Variants in ELAPOR1 observed in about 807,000 individuals in gnomAD.
The protein encoded by ELAPOR1 is endosome/lysosome-associated apoptosis and autophagy regulator 1.
Under a neutral mutation model 119.7 loss-of-function variants are expected in ELAPOR1, and 77 were observed. The observed-to-expected ratio is 0.64, with a 90% CI of 0.54 to 0.78. The LOEUF is 0.78. Among genes scored for constraint, ELAPOR1 ranks in the 30% least tolerant of loss-of-function variants. ELAPOR1 has a pLI of 0.00. For missense variants in ELAPOR1, 1,115 were observed against 1,270.4 expected (o/e 0.88, Z 1.86); for synonymous variants, 481 against 487.2 (o/e 0.99, Z 0.17).
chr1:109,122,515 G>A (rs1570599642), intron 1 of ELAPOR1, among the ~76,000 whole-genome samples: 1 of 151,120 alleles, frequency 6.6e-6, no homozygotes, highest in East Asian at 2.0e-4. Context: ...TTAAAAATTA[G>A]CTATGTGTGG....
chr1:109,191,911 C>T (rs1282833861), intron 13 of ELAPOR1, 48 bp downstream of exon 13: 1 of 1,603,504 alleles, frequency 6.2e-7, no homozygotes, highest in Non-Finnish European at 8.5e-7. Context: ...CCTCTGAACC[C>T]AGGAGGACTC....
Position 109,198,597 on chromosome 1 carries a change from C to T in ELAPOR1, c.2424C>T (p.Cys808=), listed in dbSNP as rs1488184231. ...GGTCCAATGATGTGACCCAGTCCTG[C>T]AGTTCTGGGAGATCAACCACCATCC... ...FYRSNDVTQS[C]SSGRSTTIRV... Residue 808 remains cysteine, a synonymous_variant, in exon 18 of 22, where the codon TGC becomes TGT. Coordinates refer to ENST00000369939, the MANE Select transcript of ELAPOR1 (RefSeq NM_020775.5). 1 of 1,613,844 alleles carries T rather than the reference C, an allele frequency of 6.2e-7. No individual in the cohort carries two copies. Among genetic ancestry groups the T allele is most frequent in the Admixed American group, 1.7e-5 (1 of 59,982 alleles).
At chr1:109,184,099 C>G (rs999707502) in intron 7 of ELAPOR1, among the ~76,000 whole-genome samples, 1 of 152,010 alleles carries the variant, frequency 6.6e-6, no homozygotes, top group Admixed American at 6.6e-5. Flanking sequence ...AGGCCGGGCA[C>G]GGTGGCTCAC....
chr1:109,152,746 C>A (rs940484868), intron 1 of ELAPOR1, among the ~76,000 whole-genome samples: 5 of 151,928 alleles, frequency 3.3e-5, no homozygotes, highest in African/African-American at 1.2e-4. Context: ...GAGTTCAAGA[C>A]CAGCCTGGGC....
At chr1:109,138,834 C>CAAAAAAAAAAAAAAAAAAAAAAAAAA (rs150398954) in intron 1 of ELAPOR1, among the ~76,000 whole-genome samples, 26 of 107,300 alleles carry the variant, frequency 2.4e-4, no homozygotes, top group Non-Finnish European at 4.0e-4. Flanking sequence ...AACTCCATCT[C>CAAAAAAAAAAAAAAAAAAAAAAAAAA]AAAAAAAAAA....
rs572372477 is a variant in ELAPOR1 at position 109,164,769 on chromosome 1, G to A, written c.467+78G>A. ...CAGGGCACACTGGACAGCCTCCTCCGCTGCCCCTCAGGCTGGGCAGGGAGG... is the reference window on the plus strand; with the variant it reads ...CAGGGCACACTGGACAGCCTCCTCCACTGCCCCTCAGGCTGGGCAGGGAGG... On this transcript the variant is annotated intron_variant, in intron 3 of 21. Transcript: ENST00000369939. 2.8e-4 allele frequency: 381 copies of A among 1,375,348 alleles called. 1 individual carries two copies. In the African/African-American group the frequency reaches 4.8e-3, roughly 17 times the overall value. 85.2% of individuals were successfully genotyped at this position (1,375,348 alleles called of 1,614,324 possible).
intron 7 of ELAPOR1, among the ~76,000 whole-genome samples, chr1:109,178,659 TGGGTGTAGAATGCAGTGGAGGTGGGCC>T (rs1260561527): frequency 2.7e-4 from 41 of 152,288 alleles, no homozygotes; most frequent in African/African-American, 7.5e-4. Flanking sequence ...ATAGGAGAGC[TGGGTGTAGAATGCAGTGGAGGTGGGCC>T]GGGTGTGGCG....
At chr1:109,201,070 A>G (rs534368702) in intron 21 of ELAPOR1, among the ~76,000 whole-genome samples, 170 bp downstream of exon 21, 1 of 152,060 alleles carries the variant, frequency 6.6e-6, no homozygotes, top group African/African-American at 2.4e-5. Flanking sequence ...CTGTGTTTCT[A>G]CACCAATACT....
intron 1 of ELAPOR1, among the ~76,000 whole-genome samples, chr1:109,147,072 A>ATTTTTT (rs35132655): frequency 1.4e-5 from 2 of 141,254 alleles, no homozygotes; most frequent in Non-Finnish European, 3.1e-5. Context: ...CGCCTGGCTA[A>ATTTTTT]TTTTTTTTTT....
chr1:109,154,771 G>A (rs1233974213), intron 1 of ELAPOR1, among the ~76,000 whole-genome samples: 2 of 152,238 alleles, frequency 1.3e-5, no homozygotes, highest in Non-Finnish European at 2.9e-5. Flanking sequence ...TAGCTCTGCT[G>A]TTGCAGGGGT....
chr1:109,172,678 G>A, intron 5 of ELAPOR1, 110 bp downstream of exon 5: 1 of 750,182 alleles, frequency 1.3e-6, no homozygotes. Context: ...TCCCTGGAGG[G>A]CAGGAATGTG....
At position 109,191,451 on chromosome 1, in the gene ELAPOR1, T is replaced by C. The variant is rs761735895; in HGVS notation, c.1525T>C (p.Cys509Arg). ...CTTTGAGACCCTCTGTTCTGTGAACTGTGAGCTCTACTTCATGGTGGTACG... is the reference window on the plus strand; with the variant it reads ...CTTTGAGACCCTCTGTTCTGTGAACCGTGAGCTCTACTTCATGGTGGTACG... ...FVFETLCSVN[C>R]ELYFMVGVNS... Residue 509 changes from cysteine (C) to arginine (R), a missense_variant, in exon 12 of 22, where the codon TGT becomes CGT. Transcript: ENST00000369939. The C allele has an allele frequency of 1.2e-6, 2 of 1,613,926 alleles. No individual in the cohort carries two copies. The highest frequency in any genetic ancestry group is 1.7e-5 in the Admixed American group (1 of 60,020).
chr1:109,189,660 A>T lies in ELAPOR1; in HGVS notation c.1417A>T (p.Thr473Ser). The T allele has an allele frequency of 6.2e-7, 1 of 1,611,308 alleles. No homozygotes were observed. The highest frequency in any genetic ancestry group is 8.5e-7 in the Non-Finnish European group (1 of 1,177,608). Reference sequence around the variant, plus strand: ...CTCAGACAATGACTTCATGATTCTCACTCTGGTTGTGCCAGGATTTAGGTG... The same window carrying T: ...CTCAGACAATGACTTCATGATTCTCTCTCTGGTTGTGCCAGGATTTAGGTG... ...GASDNDFMIL[T>S]LVVPGFRPPQ... is the part of the protein sequence containing the mutation. Residue 473 changes from threonine (T) to serine (S), a missense_variant, in exon 11 of 22, where the codon ACT (threonine) becomes TCT (serine). Transcript: ENST00000369939.
intron 1 of ELAPOR1, among the ~76,000 whole-genome samples, chr1:109,154,324 A>C (rs900574765): frequency 1.2e-4 from 18 of 151,946 alleles, no homozygotes; most frequent in Non-Finnish European, 2.6e-4. Context: ...AAAAGATGGA[A>C]GTAAGGACAG....
intron 1 of ELAPOR1, among the ~76,000 whole-genome samples, chr1:109,123,647 T>C (rs1396044777): frequency 6.6e-6 from 1 of 152,222 alleles, no homozygotes; most frequent in African/African-American, 2.4e-5. Flanking sequence ...ACTCTCTTAT[T>C]CTAATAATTC....
chr1:109,183,587 TCC>T (rs1491114782), intron 7 of ELAPOR1, among the ~76,000 whole-genome samples: 12 of 111,764 alleles, frequency 1.1e-4, no homozygotes, highest in African/African-American at 3.5e-4. Context: ...CTTCCTTCCT[TCC>T]TTCCTTCCTT....
chr1:109,155,187 A>AT (rs1026899999), intron 1 of ELAPOR1, among the ~76,000 whole-genome samples: 67 of 151,940 alleles, frequency 4.4e-4, no homozygotes, highest in African/African-American at 1.4e-3. Context: ...ATATATATAT[A>AT]TTTTTTTGAG....
At chr1:109,116,877 G>A (rs1031209137) in intron 1 of ELAPOR1, among the ~76,000 whole-genome samples, 1 of 152,148 alleles carries the variant, frequency 6.6e-6, no homozygotes, top group Non-Finnish European at 1.5e-5. Context: ...TTTTAGTAGA[G>A]ATGGGGTTTC....
chr1:109,126,833 G>A (rs970996738), intron 1 of ELAPOR1, among the ~76,000 whole-genome samples: 11 of 152,130 alleles, frequency 7.2e-5, no homozygotes, highest in African/African-American at 2.7e-4. Flanking sequence ...GACAGGCTTG[G>A]ACAGCTTTGG....
Sources: allele counts gnomAD v4.1 joint callset (sites outside exome capture counted in the v4.1 genomes callset), GRCh38; gene constraint gnomAD v4.1.1; transcripts MANE v1.5; gene names NCBI Gene and HGNC (gene_info 2026-07-23, HGNC 2026-07-21).